COL5A1: variants seen among roughly 807,000 people sequenced by gnomAD.
COL5A1 encodes the protein collagen type V alpha 1 chain.
In COL5A1, 16 loss-of-function variants were observed where a neutral mutation model predicts 263.7. The ratio of observed to expected loss-of-function variants is 0.06; its 90% CI spans 0.04 to 0.09. The LOEUF (loss-of-function observed/expected upper bound fraction) is 0.09, where lower values mean the gene tolerates loss of function less well. Among genes scored for constraint, COL5A1 ranks in the 10% least tolerant of loss-of-function variants. The probability of loss-of-function intolerance (pLI) is 1.00; values close to 1 mark genes in which losing one functional copy is unlikely to be tolerated. For missense variants in COL5A1, 2,036 were observed against 2,540.5 expected, an observed-to-expected ratio of 0.80 and a Z score of 4.27; for synonymous variants, 1,012 against 1,004.5, an observed-to-expected ratio of 1.01 and a Z score of -0.14.
At position 134,801,966 on chromosome 9, in the gene COL5A1, A is replaced by G; in HGVS notation, c.2965A>G (p.Lys989Glu). The G allele has an allele frequency of 6.2e-7, 1 of 1,613,400 alleles. No individual in the cohort carries two copies. Among genetic ancestry groups the G allele is most frequent in the Non-Finnish European group, 8.5e-7 (1 of 1,180,020 alleles). Reference protein sequence around the residue: ...GQRGETGFQGKTGPPGPPGVV... With the variant: ...GQRGETGFQGETGPPGPPGVV... ...TCTCTCTTCACAGGGTTTCCAAGGC[A>G]AGACCGGCCCTCCAGGCCCCCCCGG... Residue 989 changes from lysine to glutamate, a missense_variant, in exon 38 of 66, where the codon AAG (lysine) becomes GAG (glutamate). Lys to Glu is a moderately conservative substitution (Grantham distance 56). Around this residue, in one of 3 missense-constraint regions of COL5A1, gnomAD observed 1,078 missense variants for 1,521.4 expected, o/e 0.71. Coordinates refer to ENST00000371817, the MANE Select transcript of COL5A1 (RefSeq NM_000093.5).
In COL5A1 at chr9:134,788,941, C is replaced by G. The variant is rs897753907; in HGVS notation, c.2647-214C>G. Among the ~76,000 whole-genome samples, 3 of 110,796 alleles carry G rather than the reference C, an allele frequency of 2.7e-5. No individual in the cohort carries two copies. The South Asian group carries it at 9.4e-4, about 35-fold the overall frequency. The allele number at this position is 110,796 out of a possible 152,430, so 72.7% of individuals were successfully genotyped here. A position where few individuals can be genotyped will look rare whatever the true frequency, so the allele number is the denominator to read the frequency against. On this transcript the variant is annotated intron_variant, in intron 31 of 65. Coordinates refer to ENST00000371817, the MANE Select transcript of COL5A1 (RefSeq NM_000093.5). ...ATGAATGGGTAGGTGGGTAGACAGG[C>G]GGATGAGTGGGTGGGTGGGTAGACA...
chr9:134,756,654 T>C, intron 16 of COL5A1, 111 bp from the exon 17 acceptor site: 1 of 1,180,644 alleles, frequency 8.5e-7, no homozygotes, highest in South Asian at 1.2e-5. Context: ...ACCTTGGGGG[T>C]GGGCGCGGCT....
chr9:134,689,708 T>C (rs1423060101), intron 1 of COL5A1, among the ~76,000 whole-genome samples: 1 of 152,212 alleles, frequency 6.6e-6, no homozygotes, highest in East Asian at 1.9e-4. Flanking sequence ...ATCCCTGAGC[T>C]GACCGTCTGG....
chr9:134,830,055 C>G lies in COL5A1; in HGVS notation c.5136+11C>G. 6.2e-7 allele frequency: 1 copy of G among 1,613,992 alleles called. No individual in the cohort carries two copies. The highest frequency in any genetic ancestry group is 1.3e-5 in the African/African-American group (1 of 75,062). ...AAGCGTGGGAAACTGGTAAGGTGGC[C>G]TCTGGCGTCTTTGCGGTTGTCACTT... On this transcript the variant is annotated intron_variant, in intron 64 of 65. Transcript: ENST00000371817.
chr9:134,815,771 G>T lies in COL5A1; in HGVS notation c.4068+142G>T. 3 of 1,229,578 alleles carry T rather than the reference G, an allele frequency of 2.4e-6. No individual in the cohort carries two copies. In the South Asian group the frequency reaches 3.8e-5, roughly 16 times the overall value. 76.2% of individuals were successfully genotyped at this position (1,229,578 alleles called of 1,614,324 possible). A position where few individuals can be genotyped will look rare whatever the true frequency, so the allele number is the denominator to read the frequency against. ...ATGTCCCAAAAGGCACTCGTGTTCC[G>T]GTGATCAGAGCAAGAAAACGCCTTT... On this transcript the variant is annotated intron_variant, in intron 51 of 65. Coordinates refer to ENST00000371817, the MANE Select transcript of COL5A1 (RefSeq NM_000093.5).
chr9:134,718,232 C>T (rs938256331), intron 4 of COL5A1, among the ~76,000 whole-genome samples: 1 of 152,212 alleles, frequency 6.6e-6, no homozygotes, highest in Non-Finnish European at 1.5e-5. Flanking sequence ...CCGCCGTGGC[C>T]GCCGACCCAT....
chr9:134,797,870 C>T (rs1199276461), intron 36 of COL5A1, among the ~76,000 whole-genome samples: 1 of 152,234 alleles, frequency 6.6e-6, no homozygotes. Context: ...AATTCAGTTA[C>T]ACTGGCAAAA....
intron 62 of COL5A1, 89 bp downstream of exon 62, chr9:134,824,944 C>T: frequency 6.7e-7 from 1 of 1,498,982 alleles, no homozygotes; most frequent in South Asian, 1.3e-5. Flanking sequence ...TTCAGCCAGG[C>T]ACAGCGGAAG....
intron 25 of COL5A1, among the ~76,000 whole-genome samples, chr9:134,769,401 A>G (rs2132734139): frequency 6.6e-6 from 1 of 152,336 alleles, no homozygotes; most frequent in Non-Finnish European, 1.5e-5. Context: ...GAGTTTGCAT[A>G]CTGAGTGGTT....
chr9:134,728,828 T>G (rs2132635535), intron 6 of COL5A1, 21 bp downstream of exon 6: 2 of 1,613,630 alleles, frequency 1.2e-6, no homozygotes, highest in Non-Finnish European at 1.7e-6. Flanking sequence ...AGCGGGGGAC[T>G]GGGTTGGGCT....
rs1835739242 is a variant in COL5A1, at chr9:134,750,547, C to T, written c.1500C>T (p.Pro500=). The T allele has an allele frequency of 6.2e-7, 1 of 1,613,688 alleles. No homozygotes were observed. The highest frequency in any genetic ancestry group is 8.5e-7 in the Non-Finnish European group (1 of 1,180,018). ...TCTTGGCCCCTTGTCTTCAGGGCCCCCCTGGACGCCCAGGCCTTCCTGGGG... is the reference window on the plus strand; with the variant it reads ...TCTTGGCCCCTTGTCTTCAGGGCCCTCCTGGACGCCCAGGCCTTCCTGGGG... ...GQVGDPGERG[P]PGRPGLPGAD... The change falls in exon 12 of 66, where the codon CCC becomes CCT. Residue 500 remains proline (P), a synonymous_variant. Transcript: ENST00000371817.
chr9:134,767,789 T>A (rs918191797), intron 24 of COL5A1, among the ~76,000 whole-genome samples: 1 of 152,234 alleles, frequency 6.6e-6, no homozygotes, highest in African/African-American at 2.4e-5. Context: ...CTGGAAGTGC[T>A]TGCCCTTCTA....
At chr9:134,698,922 GC>G (rs1239463533) in intron 2 of COL5A1, among the ~76,000 whole-genome samples, 1 of 152,206 alleles carries the variant, frequency 6.6e-6, no homozygotes, top group African/African-American at 2.4e-5. Flanking sequence ...CAGGTCCTGG[GC>G]CCCCCTTCCT....
rs764446683 is a variant in COL5A1 at position 134,824,793 on chromosome 9, C to A, written c.4892C>A (p.Thr1631Lys). 13 of 1,614,000 alleles carry A rather than the reference C, an allele frequency of 8.1e-6. No homozygotes were observed. The highest frequency in any genetic ancestry group is 6.7e-5 in the Admixed American group (4 of 60,010). The change falls in exon 62 of 66, where the codon ACG becomes AAG. Residue 1631 changes from threonine (T) to lysine (K), a missense_variant. Physicochemically the swap from Thr to Lys is moderately conservative, Grantham distance 78 (BLOSUM62 -1). Transcript: ENST00000371817. ...GAGCAGATGAAACGGCCCCTGGGCACGCAGCAGAACCCCGCCCGCACCTGC... is the reference window on the plus strand; with the variant it reads ...GAGCAGATGAAACGGCCCCTGGGCAAGCAGCAGAACCCCGCCCGCACCTGC... ...EIEQMKRPLG[T>K]QQNPARTCKD...
At chr9:134,823,962 C>T (rs1420537446) in intron 61 of COL5A1, among the ~76,000 whole-genome samples, 2 of 151,570 alleles carry the variant, frequency 1.3e-5, no homozygotes, top group South Asian at 2.1e-4. Context: ...GCATGCATGG[C>T]CGTGTGTGTG....
In COL5A1 at chr9:134,763,450, C is replaced by G. The variant is rs546241736; in HGVS notation, c.1990-243C>G. On this transcript the variant is annotated intron_variant, in intron 19 of 65. Transcript: ENST00000371817. The stretch of plus-strand genomic sequence containing the variant: ...TCTGCCCAGCCTTTCCTCTGGAGAG[C>G]TGTGGCATGTGAGCTCCTGAGCCGG... Among the ~76,000 whole-genome samples the G allele has an allele frequency of 5.5e-4, 84 of 152,364 alleles. 2 individuals carry two copies. In the South Asian group the frequency reaches 0.017, roughly 31 times the overall value.
intron 14 of COL5A1, 88 bp downstream of exon 14, chr9:134,752,733 G>A (rs1009678041): frequency 6.6e-6 from 7 of 1,060,120 alleles, no homozygotes; most frequent in Admixed American, 3.7e-5. Context: ...AGGTGGCCCT[G>A]GGGTCCTGTG....
At chr9:134,817,291 G>T (rs995390426) in intron 53 of COL5A1, among the ~76,000 whole-genome samples, 1 of 152,208 alleles carries the variant, frequency 6.6e-6, no homozygotes, top group East Asian at 1.9e-4. Flanking sequence ...AGGACAGGCC[G>T]CCTGCTGACA....
chr9:134,705,547 G>A (rs1833810932), intron 4 of COL5A1, among the ~76,000 whole-genome samples: 1 of 152,244 alleles, frequency 6.6e-6, no homozygotes, highest in African/African-American at 2.4e-5. Flanking sequence ...TTCCTTCCCT[G>A]CTGGTGACTT....
Sources: allele counts gnomAD v4.1 joint callset (sites outside exome capture counted in the v4.1 genomes callset), GRCh38; gene constraint gnomAD v4.1.1; regional missense constraint gnomAD v4.1.1; transcripts MANE v1.5; gene names NCBI Gene and HGNC (gene_info 2026-07-23, HGNC 2026-07-21).